The following CACUL1 variants were observed in gnomAD, a reference collection of about 807,000 sequenced individuals.
CACUL1 encodes the protein CDK2 associated cullin domain 1.
A neutral mutation model predicts 45.2 loss-of-function variants in CACUL1; 13 were observed. That is an observed-to-expected ratio of 0.29 (90% CI 0.19 to 0.46). The LOEUF (loss-of-function observed/expected upper bound fraction) is 0.46. Among genes scored for constraint, CACUL1 ranks in the 20% least tolerant of loss-of-function variants. The probability of loss-of-function intolerance (pLI) is 1.00; values close to 1 mark genes in which losing one functional copy is unlikely to be tolerated. For synonymous variants in CACUL1, 197 were observed against 174.2 expected (o/e 1.13, Z -1.03); for missense variants, 421 against 471.4 (o/e 0.89, Z 0.99).
At chr10:118,706,146 A>T (rs904799974) in intron 4 of CACUL1, among the ~76,000 whole-genome samples, 1 of 152,242 alleles carries the variant, frequency 6.6e-6, no homozygotes, top group Non-Finnish European at 1.5e-5. Context: ...GTTTTAATAA[A>T]CTAGCTATTT....
At chr10:118,696,682 C>A (rs931684269) in intron 5 of CACUL1, among the ~76,000 whole-genome samples, 4 of 152,218 alleles carry the variant, frequency 2.6e-5, no homozygotes, top group Non-Finnish European at 2.9e-5. Context: ...GGGCAGCATT[C>A]AAAGCCATAC....
intron 1 of CACUL1, among the ~76,000 whole-genome samples, chr10:118,734,859 A>AT (rs560483770): frequency 1.7e-3 from 262 of 152,390 alleles, no homozygotes; most frequent in African/African-American, 5.9e-3. Flanking sequence ...TCTGAAACAC[A>AT]TGGAATAGCT....
Position 118,691,386 on chromosome 10 carries a change from G to C in CACUL1, c.904C>G (p.Pro302Ala). ...GGAATAAATTTAGAAAATAGAGTTG[G>C]AGCCATCTGAACCCACTCTGTGAGG... Reference protein sequence around the residue: ...TLRPEWVQMAPTLFSKFIPNI... With the variant: ...TLRPEWVQMAATLFSKFIPNI... Residue 302 changes from proline (P) to alanine (A), a missense_variant, in exon 7 of 9, where the codon CCA becomes GCA. Transcript: ENST00000369151. 1 of 1,612,924 alleles carries C rather than the reference G, an allele frequency of 6.2e-7. No individual in the cohort carries two copies. Among genetic ancestry groups the C allele is most frequent in the Non-Finnish European group, 8.5e-7 (1 of 1,179,166 alleles).
In CACUL1 at chr10:118,722,080, CTT is replaced by C. The variant is rs11358147; in HGVS notation, c.597+7213_597+7214del. On this transcript the variant is annotated intron_variant, in intron 3 of 8. Transcript: ENST00000369151. ...TTAAACAGAAAACTCCAGAAACAAACTTTTTTTTTTTTTTTTTCTTGAGACGG... is the reference window on the plus strand; with the variant it reads ...TTAAACAGAAAACTCCAGAAACAAACTTTTTTTTTTTTTTTCTTGAGACGG... Among the ~76,000 whole-genome samples, 777 of 140,510 alleles carry C rather than the reference CTT, an allele frequency of 5.5e-3. 8 individuals are homozygous for C. Among genetic ancestry groups the C allele is most frequent in the East Asian group, 0.034 (162 of 4,776 alleles). The allele number at this position is 140,510 out of a possible 152,430, so 92.2% of individuals were successfully genotyped here. A position where few individuals can be genotyped will look rare whatever the true frequency, so the allele number is the denominator to read the frequency against.
intron 1 of CACUL1, among the ~76,000 whole-genome samples, chr10:118,734,255 T>C (rs1845722086): frequency 6.6e-6 from 1 of 152,218 alleles, no homozygotes; most frequent in African/African-American, 2.4e-5. Context: ...TCACTCATAA[T>C]TTCACCACCA....
chr10:118,716,728 G>C (rs1845549361), intron 3 of CACUL1, among the ~76,000 whole-genome samples: 1 of 151,308 alleles, frequency 6.6e-6, no homozygotes, highest in African/African-American at 2.4e-5. Flanking sequence ...TCAGCCTCCT[G>C]AGTAACTGGG....
At chr10:118,690,307 C>CA (rs34414146) in intron 7 of CACUL1, among the ~76,000 whole-genome samples, 40,380 of 88,220 alleles carry the variant, frequency 0.46, 10,234 homozygotes, top group Middle Eastern at 0.56. Flanking sequence ...GACTCCGTCT[C>CA]AAAAAAAAAA....
At chr10:118,718,001 T>C (rs1317120973) in intron 3 of CACUL1, among the ~76,000 whole-genome samples, 1 of 152,148 alleles carries the variant, frequency 6.6e-6, no homozygotes, top group African/African-American at 2.4e-5. Flanking sequence ...GAACAAAAAC[T>C]GCCTGTGCCC....
chr10:118,730,146 C>A (rs575445850), intron 2 of CACUL1, 138 bp downstream of exon 2: 425 of 953,440 alleles, frequency 4.5e-4, no homozygotes, highest in Admixed American at 6.7e-4. Flanking sequence ...CCCTCCAATC[C>A]GTAAGTGTGG....
Position 118,685,938 on chromosome 10 carries a change from A to T in CACUL1, c.*190T>A. The T allele has an allele frequency of 2.4e-6, 1 of 419,160 alleles. No individual in the cohort carries two copies. Among genetic ancestry groups the T allele is most frequent in the East Asian group, 3.4e-5 (1 of 29,164 alleles). 26.0% of individuals were successfully genotyped at this position (419,160 alleles called of 1,614,324 possible). A position where few individuals can be genotyped will look rare whatever the true frequency, so the allele number is the denominator to read the frequency against. On this transcript the variant is annotated 3_prime_UTR_variant, in exon 9 of 9. Coordinates refer to ENST00000369151, the MANE Select transcript of CACUL1 (RefSeq NM_153810.5). ...TTTCAAAATCACCCCCAAGTCTAGC[A>T]GCAACGTTTTTTTTTTTTTTAGTTT...
At chr10:118,700,929 G>A (rs981914373) in intron 5 of CACUL1, among the ~76,000 whole-genome samples, 4 of 152,128 alleles carry the variant, frequency 2.6e-5, no homozygotes, top group Non-Finnish European at 4.4e-5. Context: ...AAAATCAGAG[G>A]ATTCTGTACT....
intron 7 of CACUL1, among the ~76,000 whole-genome samples, chr10:118,688,414 G>A (rs560840119): frequency 2.0e-4 from 30 of 152,276 alleles, no homozygotes; most frequent in Non-Finnish European, 2.4e-4. Context: ...CTGGAACCTC[G>A]ACTTATAGAC....
intron 5 of CACUL1, 42 bp downstream of exon 5, chr10:118,701,264 C>A (rs759606922): frequency 3.7e-6 from 4 of 1,067,380 alleles, no homozygotes; most frequent in South Asian, 1.8e-5. Context: ...AAGGAAAGAT[C>A]ATTGCTAGTG....
At position 118,683,884 on chromosome 10, in the gene CACUL1, G is replaced by T. The variant is rs770027049; in HGVS notation, c.*2244C>A. 3 of 152,018 alleles carry T rather than the reference G, an allele frequency of 2.0e-5. No homozygotes were observed. The highest frequency in any genetic ancestry group is 1.5e-5 in the Non-Finnish European group (1 of 68,020). The allele number at this position is 152,018 out of a possible 1,614,324, so 9.4% of individuals were successfully genotyped here. On this transcript the variant is annotated 3_prime_UTR_variant, in exon 9 of 9. Coordinates refer to ENST00000369151, the MANE Select transcript of CACUL1 (RefSeq NM_153810.5). ...CTTCAAACTGTGATGTGCCTCAAGG[G>T]GCCAAGATGATTAACAGCCAGGACA... is the stretch of plus-strand genomic sequence containing the variant.
In CACUL1 at chr10:118,678,629, T is replaced by TA. The variant is rs1845120546; in HGVS notation, c.*7498dup. 1 of 152,140 alleles carries TA rather than the reference T, an allele frequency of 6.6e-6. No individual in the cohort carries two copies. The highest frequency in any genetic ancestry group is 2.1e-4 in the South Asian group (1 of 4,830). The allele number at this position is 152,140 out of a possible 1,614,324, so 9.4% of individuals were successfully genotyped here. A position where few individuals can be genotyped will look rare whatever the true frequency, so the allele number is the denominator to read the frequency against. On this transcript the variant is annotated 3_prime_UTR_variant, in exon 9 of 9. Transcript: ENST00000369151. Reference sequence around the variant, plus strand: ...ATTTAGGTCCATTAAGTTTTTTTTTTATCATTTTCTCATTTTAAAATTTAT... The same window carrying TA: ...ATTTAGGTCCATTAAGTTTTTTTTTTAATCATTTTCTCATTTTAAAATTTAT...
chr10:118,730,544 C>T (rs1375318036), intron 1 of CACUL1, 134 bp from the exon 2 acceptor site: 16 of 839,412 alleles, frequency 1.9e-5, no homozygotes, highest in African/African-American at 3.4e-5. Flanking sequence ...ACCTAACTAT[C>T]CTATTTCAAT....
chr10:118,754,691 G>C lies in CACUL1; in HGVS notation c.72C>G (p.Asn24Lys). Reference sequence around the variant, plus strand: ...GGAAGCCGTCCACCGCAGCCTCCCAGTTGTTGTGGTTCTGGTCGTCCATCA... The same window carrying C: ...GGAAGCCGTCCACCGCAGCCTCCCACTTGTTGTGGTTCTGGTCGTCCATCA... ...EAMMDDQNHN[N>K]WEAAVDGFRQ... The change falls in exon 1 of 9, where the codon AAC becomes AAG. Residue 24 changes from asparagine to lysine, a missense_variant. By Grantham distance (94) the Asn-to-Lys change is moderately conservative. Coordinates refer to ENST00000369151, the MANE Select transcript of CACUL1 (RefSeq NM_153810.5). 6.2e-7 allele frequency: 1 copy of C among 1,608,800 alleles called. No homozygotes were observed. Among genetic ancestry groups the C allele is most frequent in the African/African-American group, 1.4e-5 (1 of 74,012 alleles).
chr10:118,681,583 T>C lies in CACUL1; in HGVS notation c.*4545A>G, dbSNP rs980307461. 6.6e-6 allele frequency: 1 copy of C among 152,192 alleles called. No homozygotes were observed. Among genetic ancestry groups the C allele is most frequent in the Non-Finnish European group, 1.5e-5 (1 of 68,032 alleles). The allele number at this position is 152,192 out of a possible 1,614,324, so 9.4% of individuals were successfully genotyped here. A position where few individuals can be genotyped will look rare whatever the true frequency, so the allele number is the denominator to read the frequency against. On this transcript the variant is annotated 3_prime_UTR_variant, in exon 9 of 9. Coordinates refer to ENST00000369151, the MANE Select transcript of CACUL1 (RefSeq NM_153810.5). The stretch of plus-strand genomic sequence containing the variant: ...GAGCCACACAATAAAGTTCTCAGAA[T>C]TGTAAGCCATTAACATTTTTCTAAA...
chr10:118,693,810 C>A (rs1845294627), intron 6 of CACUL1: 1 of 440,172 alleles, frequency 2.3e-6, no homozygotes. Context: ...CTACTTTATA[C>A]AAGTAATTTC....
Sources: gnomAD v4.1 joint callset for allele counts (sites outside exome capture counted in the v4.1 genomes callset) on GRCh38, gnomAD v4.1.1 for gene constraint, MANE v1.5 for transcripts, NCBI Gene and HGNC (gene_info 2026-07-23, HGNC 2026-07-21) for gene names.